Variants in PTPRA observed in about 807,000 individuals in gnomAD.
PTPRA encodes the protein protein tyrosine phosphatase receptor type A.
PTPRA carries 25 observed loss-of-function variants against 104.8 expected under a neutral mutation model. The ratio of observed to expected loss-of-function variants is 0.24; its 90% CI spans 0.17 to 0.33. PTPRA has a LOEUF of 0.33. Among genes scored for constraint, PTPRA ranks in the 10% least tolerant of loss-of-function variants. PTPRA has a pLI of 1.00. For missense variants in PTPRA, 765 were observed against 1,015.3 expected (o/e 0.75, Z 3.35); for synonymous variants, 323 against 368.9 (o/e 0.88, Z 1.43).
rs543369557 is a variant in PTPRA, at chr20:2,960,185, C to T, written c.-6-4087C>T. 2.6e-5 allele frequency among the ~76,000 whole-genome samples: 4 copies of T among 152,118 alleles called. No homozygotes were observed. In the South Asian group the frequency reaches 8.3e-4, roughly 32 times the overall value. On this transcript the variant is annotated intron_variant, in intron 3 of 23. Coordinates refer to ENST00000399903, the MANE Select transcript of PTPRA (RefSeq NM_001385305.1). ...AGTATCATACAGAAGAATTTGACTG[C>T]CCTGACAGTCCTCTGCTCCACCTGC...
intron 12 of PTPRA, among the ~76,000 whole-genome samples, chr20:3,016,497 T>C (rs2064459066): frequency 6.6e-6 from 1 of 152,192 alleles, no homozygotes; most frequent in African/African-American, 2.4e-5. Context: ...CCTGTAATCC[T>C]AACACTTTGG....
At chr20:2,884,371 A>G (rs1354890336) in intron 1 of PTPRA, among the ~76,000 whole-genome samples, 2 of 152,200 alleles carry the variant, frequency 1.3e-5, no homozygotes, top group East Asian at 3.8e-4. Flanking sequence ...TCCAGCAGCA[A>G]TACAATAGGG....
chr20:2,944,036 G>A (rs929257053), intron 2 of PTPRA, among the ~76,000 whole-genome samples: 3 of 148,936 alleles, frequency 2.0e-5, no homozygotes, highest in South Asian at 2.1e-4. Context: ...TTCCTCTACT[G>A]GTCTTTTTTT....
intron 3 of PTPRA, among the ~76,000 whole-genome samples, chr20:2,954,132 C>T (rs570491223): frequency 1.4e-5 from 2 of 142,020 alleles, no homozygotes; most frequent in African/African-American, 5.3e-5. Context: ...GGCTGGAGTG[C>T]AATGGCATGA....
chr20:3,030,189 C>G (rs1010208249), intron 20 of PTPRA, among the ~76,000 whole-genome samples: 2 of 152,202 alleles, frequency 1.3e-5, no homozygotes, highest in African/African-American at 4.8e-5. Context: ...GATGCAGGCT[C>G]TTCCATCCTT....
At chr20:2,977,456 A>G (rs2062483587) in intron 6 of PTPRA, among the ~76,000 whole-genome samples, 1 of 151,996 alleles carries the variant, frequency 6.6e-6, no homozygotes, top group South Asian at 2.1e-4. Context: ...GACCAGCCTG[A>G]GCAATATGGG....
chr20:2,887,148 A>G (rs958125973), intron 1 of PTPRA, among the ~76,000 whole-genome samples: 1 of 152,192 alleles, frequency 6.6e-6, no homozygotes, highest in Non-Finnish European at 1.5e-5. Context: ...ATAATGAGAA[A>G]TATTTAATCA....
At chr20:2,952,219 C>T (rs2061378900) in intron 3 of PTPRA, among the ~76,000 whole-genome samples, 2 of 151,970 alleles carry the variant, frequency 1.3e-5, no homozygotes, top group African/African-American at 2.4e-5. Context: ...GCTCCATATC[C>T]TTGACAGCAC....
chr20:2,904,388 T>C (rs2059341788), intron 1 of PTPRA, among the ~76,000 whole-genome samples: 1 of 152,100 alleles, frequency 6.6e-6, no homozygotes, highest in East Asian at 1.9e-4. Context: ...TATAAAATGC[T>C]GGCCAGGCGC....
At chr20:3,024,729 T>C in intron 17 of PTPRA, 108 bp downstream of exon 17, 2 of 1,343,144 alleles carry the variant, frequency 1.5e-6, no homozygotes, top group Non-Finnish European at 2.1e-6. Flanking sequence ...TTGTGAGGCA[T>C]GCCAGTGGTT....
chr20:2,878,211 TA>T (rs1037882031), intron 1 of PTPRA, among the ~76,000 whole-genome samples: 2 of 146,534 alleles, frequency 1.4e-5, no homozygotes, highest in East Asian at 2.1e-4. Flanking sequence ...TAGTTTTTTT[TA>T]AATTTGTTTT....
In PTPRA at chr20:2,975,258, A is replaced by G. The variant is rs773765734; in HGVS notation, c.442+17A>G. 38 of 1,584,420 alleles carry G rather than the reference A, an allele frequency of 2.4e-5. No individual in the cohort carries two copies. In the East Asian group the frequency reaches 5.4e-4, roughly 22 times the overall value. On this transcript the variant is annotated intron_variant, in intron 6 of 23. Coordinates refer to ENST00000399903, the MANE Select transcript of PTPRA (RefSeq NM_001385305.1). ...ACAGAAGAGGTGAGCTGCTCACCTT[A>G]TATCTGTTGTTCCTTTTACACAGTG...
Position 2,947,981 on chromosome 20 carries a change from G to A in PTPRA, c.-49-1G>A. On this transcript the variant is annotated splice_acceptor_variant, in intron 2 of 23. Coordinates refer to ENST00000399903, the MANE Select transcript of PTPRA (RefSeq NM_001385305.1). LOFTEE classifies it low-confidence loss of function (5UTR_SPLICE). ...ACTGTTTTTTATTTCTTTTTTTCTA[G>A]GACACATGTTCAAAGAGCATAATTA... The A allele has an allele frequency of 9.2e-7, 1 of 1,085,046 alleles. No individual in the cohort carries two copies. Among genetic ancestry groups the A allele is most frequent in the Non-Finnish European group, 1.2e-6 (1 of 808,282 alleles). 67.2% of individuals were successfully genotyped at this position (1,085,046 alleles called of 1,614,324 possible).
At chr20:2,894,712 C>A (rs1009710080) in intron 1 of PTPRA, among the ~76,000 whole-genome samples, 1 of 152,022 alleles carries the variant, frequency 6.6e-6, no homozygotes. Context: ...GAGAGCCAGG[C>A]CTGGTGGCTC....
upstream of PTPRA, among the ~76,000 whole-genome samples, chr20:2,870,365 G>A (rs1392577954): frequency 6.6e-6 from 1 of 151,742 alleles, no homozygotes; most frequent in African/African-American, 2.4e-5. Flanking sequence ...CAAAAACTCC[G>A]TCTCAAAAAA....
chr20:2,900,622 G>A (rs920702930), intron 1 of PTPRA, among the ~76,000 whole-genome samples: 1 of 152,028 alleles, frequency 6.6e-6, no homozygotes, highest in African/African-American at 2.4e-5. Flanking sequence ...TTGGGAGGCC[G>A]GGGCGGGTGG....
Position 2,993,439 on chromosome 20 carries a change from G to A in PTPRA, c.738+4965G>A, listed in dbSNP as rs958206858. ...AGCATAGTTGTCAAGGTAATGTCCT[G>A]TGAAACAGACAAAATCTTGATGAAC... On this transcript the variant is annotated intron_variant, in intron 9 of 23. Transcript: ENST00000399903. Among the ~76,000 whole-genome samples the A allele has an allele frequency of 2.0e-5, 3 of 152,266 alleles. No individual in the cohort carries two copies. The South Asian group carries it at 6.2e-4, about 32-fold the overall frequency.
At chr20:2,919,755 A>G (rs1459462707) in intron 1 of PTPRA, among the ~76,000 whole-genome samples, 1 of 152,180 alleles carries the variant, frequency 6.6e-6, no homozygotes, top group Non-Finnish European at 1.5e-5. Flanking sequence ...TAAGGGAAAG[A>G]AAGTAATTGG....
At chr20:2,938,387 T>C (rs2060784899) in intron 2 of PTPRA, among the ~76,000 whole-genome samples, 2 of 152,140 alleles carry the variant, frequency 1.3e-5, no homozygotes, top group African/African-American at 2.4e-5. Context: ...GGTTTCACCA[T>C]GTTGGCCAAG....
Sources: gnomAD v4.1 joint callset for allele counts (sites outside exome capture counted in the v4.1 genomes callset) on GRCh38, gnomAD v4.1.1 for gene constraint, MANE v1.5 for transcripts, NCBI Gene and HGNC (gene_info 2026-07-23, HGNC 2026-07-21) for gene names.